Variants in YARS1 observed in about 807,000 individuals in gnomAD.
YARS1 encodes tyrosyl-tRNA synthetase 1, also known as tyrosine--tRNA ligase, cytoplasmic.
YARS1 carries 36 observed loss-of-function variants against 62.2 expected under a neutral mutation model. The observed-to-expected ratio is 0.58, with a 90% CI of 0.44 to 0.76. YARS1 has a LOEUF of 0.76. Among genes scored for constraint, YARS1 ranks in the 30% least tolerant of loss-of-function variants. The pLI is 0.00. For missense variants in YARS1, 524 were observed against 639.8 expected (o/e 0.82, Z 1.95); for synonymous variants, 234 against 244.9 (o/e 0.96, Z 0.42).
At chr1:32,789,744 A>G (rs1452103405) in intron 6 of YARS1, among the ~76,000 whole-genome samples, 1 of 151,612 alleles carries the variant, frequency 6.6e-6, no homozygotes, top group Admixed American at 6.6e-5. Flanking sequence ...GCATGCCACC[A>G]CACCCAGCTG....
At chr1:32,807,524 A>G (rs1427906390) in intron 3 of YARS1, among the ~76,000 whole-genome samples, 2 of 151,734 alleles carry the variant, frequency 1.3e-5, no homozygotes, top group African/African-American at 4.8e-5. Context: ...TGGTGTGATC[A>G]CAGCTCATTG....
chr1:32,808,846 T>TAC (rs1409451318), intron 3 of YARS1, among the ~76,000 whole-genome samples: 2 of 152,236 alleles, frequency 1.3e-5, no homozygotes, highest in African/African-American at 4.8e-5. Flanking sequence ...CGCCATCTGA[T>TAC]ACACATATAA....
At chr1:32,805,250 AGAG>A in intron 4 of YARS1, among the ~76,000 whole-genome samples, 1 of 28,794 alleles carries the variant, frequency 3.5e-5, no homozygotes, top group Admixed American at 3.6e-4. Context: ...GGAGAGGGGG[AGAG>A]GGGGAGAGGG....
chr1:32,780,387 G>A, intron 10 of YARS1, 109 bp from the exon 11 acceptor site: 1 of 1,293,892 alleles, frequency 7.7e-7, no homozygotes, highest in South Asian at 1.2e-5. Context: ...GAGGCCCCTG[G>A]AAAGACCCCC....
chr1:32,816,756 A>C, intron 1 of YARS1: 1 of 182,596 alleles, frequency 5.5e-6, no homozygotes, highest in South Asian at 1.1e-4. Flanking sequence ...TCCTCAGGGA[A>C]GCCTTCCCTT....
Position 32,787,043 on chromosome 1 carries a change from C to T in YARS1, c.717G>A (p.Glu239=). 1 of 1,614,200 alleles carries T rather than the reference C, an allele frequency of 6.2e-7. No individual in the cohort carries two copies. Among genetic ancestry groups the T allele is most frequent in the East Asian group, 2.2e-5 (1 of 44,886 alleles). The change falls in exon 7 of 13, where the codon GAG becomes GAA. Residue 239 remains glutamate (E), a synonymous_variant. Transcript: ENST00000373477. ...ESKIDLLDRK[E]DVKKKLKKAF... ...CCTTCTTCAGTTTTTTCTTCACATC[C>T]TCCTTCCGATCAAGGAGATCAATCT... is the stretch of plus-strand genomic sequence containing the variant.
Position 32,780,163 on chromosome 1 carries a change from A to G in YARS1, c.1256T>C (p.Leu419Pro), listed in dbSNP as rs1272594488. Reference protein sequence around the residue: ...FVPKEELQDRLVVVLCNLKPQ... With the variant: ...FVPKEELQDRPVVVLCNLKPQ... ...TTTCAGGTTGCACAGCACCACTACCAGCCTGTCCTGCAGTTCCTCCTTGGG... is the reference window on the plus strand; with the variant it reads ...TTTCAGGTTGCACAGCACCACTACCGGCCTGTCCTGCAGTTCCTCCTTGGG... The change falls in exon 11 of 13, where the codon CTG (leucine) becomes CCG (proline). Residue 419 changes from leucine to proline, a missense_variant. Leu to Pro is a moderately conservative substitution (Grantham distance 98, BLOSUM62 -3). Coordinates refer to ENST00000373477, the MANE Select transcript of YARS1 (RefSeq NM_003680.4). 1 of 1,614,036 alleles carries G rather than the reference A, an allele frequency of 6.2e-7. No homozygotes were observed. The highest frequency in any genetic ancestry group is 1.7e-5 in the Admixed American group (1 of 60,006).
In YARS1 at chr1:32,810,643, C is replaced by T; in HGVS notation, c.328G>A (p.Val110Met). 6.2e-7 allele frequency: 1 copy of T among 1,613,892 alleles called. No homozygotes were observed. Among genetic ancestry groups the T allele is most frequent in the Non-Finnish European group, 8.5e-7 (1 of 1,180,044 alleles). The change falls in exon 3 of 13, where the codon GTG becomes ATG. Residue 110 changes from valine (V) to methionine (M), a missense_variant. Transcript: ENST00000373477. ...VIKAMLESIG[V>M]PLEKLKFIKG... ...ATGAACTTGAGCTTCTCCAAGGGCA[C>T]ACCAATGCTCTCCAGCATTGCTTTG...
chr1:32,797,988 A>G, intron 4 of YARS1, 145 bp from the exon 5 acceptor site: 1 of 687,778 alleles, frequency 1.5e-6, no homozygotes, highest in South Asian at 1.5e-5. Flanking sequence ...CTCCTGCCTC[A>G]GCCTCCCGAG....
intron 5 of YARS1, among the ~76,000 whole-genome samples, chr1:32,795,059 C>G (rs1653536369): frequency 6.8e-6 from 1 of 147,384 alleles, no homozygotes; most frequent in Non-Finnish European, 1.5e-5. Flanking sequence ...GTGGCTCACG[C>G]TTGTAATCTC....
intron 8 of YARS1, chr1:32,782,920 A>G (rs1653106815): frequency 3.7e-6 from 1 of 269,458 alleles, no homozygotes; most frequent in African/African-American, 2.2e-5. Flanking sequence ...AAGAAGAAAG[A>G]GGAAGGGCTT....
At chr1:32,803,968 T>G (rs1450446572) in intron 4 of YARS1, among the ~76,000 whole-genome samples, 1 of 152,170 alleles carries the variant, frequency 6.6e-6, no homozygotes, top group Non-Finnish European at 1.5e-5. Flanking sequence ...CCTTCAAGCA[T>G]CTGTTTAACA....
intron 5 of YARS1, among the ~76,000 whole-genome samples, chr1:32,794,251 G>A (rs1006874213): frequency 2.0e-5 from 3 of 152,070 alleles, no homozygotes; most frequent in African/African-American, 7.2e-5. Context: ...TCAGTAGGCT[G>A]GGGCACGAGA....
intron 5 of YARS1, among the ~76,000 whole-genome samples, chr1:32,796,920 G>A (rs1653601123): frequency 8.1e-6 from 1 of 123,642 alleles, no homozygotes; most frequent in Non-Finnish European, 1.6e-5. Flanking sequence ...AGCCGAGAGT[G>A]AGCCATTGCA....
chr1:32,777,035 T>G (rs1404911170), intron 12 of YARS1, among the ~76,000 whole-genome samples: 1 of 151,574 alleles, frequency 6.6e-6, no homozygotes, highest in East Asian at 2.0e-4. Context: ...CCCCTCAATT[T>G]TTTTTTTTTT....
In YARS1 at chr1:32,817,334, C is replaced by G; in HGVS notation, c.-90G>C. On this transcript the variant is annotated 5_prime_UTR_variant, in exon 1 of 13. Coordinates refer to ENST00000373477, the MANE Select transcript of YARS1 (RefSeq NM_003680.4). The stretch of plus-strand genomic sequence containing the variant: ...CCGCCGCGTGCCGGGAACTGTCACG[C>G]GAGTCCAGCCAGGTTGCATCAGCTG... The G allele has an allele frequency of 6.5e-7, 1 of 1,543,578 alleles. No individual in the cohort carries two copies. Among genetic ancestry groups the G allele is most frequent in the Non-Finnish European group, 8.9e-7 (1 of 1,124,138 alleles).
chr1:32,792,694 C>T (rs1653449126), intron 5 of YARS1, among the ~76,000 whole-genome samples: 1 of 151,950 alleles, frequency 6.6e-6, no homozygotes, highest in Non-Finnish European at 1.5e-5. Flanking sequence ...TCCTGGCTAA[C>T]ACGGTGAAAC....
At chr1:32,799,218 T>C (rs537128911) in intron 4 of YARS1, among the ~76,000 whole-genome samples, 1 of 152,184 alleles carries the variant, frequency 6.6e-6, no homozygotes, top group Non-Finnish European at 1.5e-5. Context: ...AGTGATTCAG[T>C]CTGCAAAAGT....
chr1:32,790,927 C>A, intron 6 of YARS1: 1 of 524,856 alleles, frequency 1.9e-6, no homozygotes, highest in East Asian at 3.4e-5. Flanking sequence ...AAAGACATTA[C>A]TTTTGCTTTT....
Sources: allele counts gnomAD v4.1 joint callset (sites outside exome capture counted in the v4.1 genomes callset), GRCh38; gene constraint gnomAD v4.1.1; transcripts MANE v1.5; gene names NCBI Gene and HGNC (gene_info 2026-07-23, HGNC 2026-07-21).